Variants in GPR19 observed in about 807,000 individuals in gnomAD.
GPR19 encodes probable G protein-coupled receptor 19.
In GPR19, 14 loss-of-function variants were observed where a neutral mutation model predicts 28.5. The ratio of observed to expected loss-of-function variants is 0.49; its 90% CI spans 0.32 to 0.77. The LOEUF (loss-of-function observed/expected upper bound fraction) is 0.77. Ranked by LOEUF, GPR19 falls within the 30% of genes least tolerant of loss-of-function variation. The pLI, the probability that GPR19 is intolerant of heterozygous loss-of-function variation, is 0.03. For synonymous variants in GPR19, 173 were observed against 184.1 expected (o/e 0.94, Z 0.49); for missense variants, 409 against 504.1 (o/e 0.81, Z 1.81).
chr12:12,707,779 T>G, the GPR19 span, among the ~76,000 whole-genome samples: 1 of 144,238 alleles, frequency 6.9e-6, no homozygotes, highest in Non-Finnish European at 1.5e-5. Flanking sequence ...AGTGCAGTGG[T>G]GCCATCATAG....
chr12:12,694,581 T>C (rs935487359), intron 2 of GPR19, among the ~76,000 whole-genome samples: 1 of 152,130 alleles, frequency 6.6e-6, no homozygotes, highest in African/African-American at 2.4e-5. Flanking sequence ...ATTCAACTGA[T>C]AGGTGGCATG....
rs76530142 is a variant in GPR19, at chr12:12,678,216, G to A, written c.-23+6135C>T. On this transcript the variant is annotated intron_variant, in intron 3 of 3. Coordinates refer to ENST00000651487, the MANE Select transcript of GPR19 (RefSeq NM_006143.3). The stretch of plus-strand genomic sequence containing the variant: ...ATGTGCAATTCTAGGAGCTCGACCT[G>A]TAATTCCAACCCTTTAATCTCCATC... 5.5e-3 allele frequency among the ~76,000 whole-genome samples: 840 copies of A among 151,364 alleles called. 34 individuals carry two copies. In the East Asian group the frequency reaches 0.11, roughly 20 times the overall value.
intron 3 of GPR19, among the ~76,000 whole-genome samples, chr12:12,674,758 A>G (rs1418791710): frequency 6.6e-6 from 1 of 152,120 alleles, no homozygotes; most frequent in African/African-American, 2.4e-5. Flanking sequence ...ATCATACTAC[A>G]CTCCAGAATG....
intron 3 of GPR19, among the ~76,000 whole-genome samples, chr12:12,669,232 G>A (rs1365061696): frequency 3.3e-5 from 5 of 152,180 alleles, no homozygotes; most frequent in African/African-American, 9.7e-5. Flanking sequence ...TCAAAAGTGC[G>A]CCAGACATGC....
chr12:12,716,880 C>G, the GPR19 span: 10 of 984,614 alleles, frequency 1.0e-5, no homozygotes, highest in Middle Eastern at 1.0e-3. Context: ...CGCGGCCTCC[C>G]CCGCAGACCA....
chr12:12,708,134 A>C, the GPR19 span, among the ~76,000 whole-genome samples: 2 of 151,116 alleles, frequency 1.3e-5, no homozygotes, highest in Admixed American at 1.3e-4. Flanking sequence ...TGAGTAGCTG[A>C]GACTCCAAGC....
the GPR19 span, among the ~76,000 whole-genome samples, chr12:12,704,176 TACTTA>T: frequency 5.9e-5 from 9 of 152,326 alleles, no homozygotes; most frequent in South Asian, 1.0e-3. Context: ...AGGGTTGTAA[TACTTA>T]ACTTGACTGT....
At chr12:12,716,294 G>T in the GPR19 span, among the ~76,000 whole-genome samples, 1 of 152,230 alleles carries the variant, frequency 6.6e-6, no homozygotes, top group East Asian at 1.9e-4. Context: ...TCACCCTTCA[G>T]CCCTCTGAAA....
chr12:12,703,649 A>G, the GPR19 span, among the ~76,000 whole-genome samples: 1 of 151,704 alleles, frequency 6.6e-6, no homozygotes, highest in Admixed American at 6.6e-5. Context: ...TTAGCTAATA[A>G]CCATTTTCTT....
rs1945673133 is a variant in GPR19, at chr12:12,661,468, A to G, written c.981T>C (p.Pro327=). The G allele has an allele frequency of 6.2e-7, 1 of 1,613,744 alleles. No individual in the cohort carries two copies. The highest frequency in any genetic ancestry group is 1.1e-5 in the South Asian group (1 of 91,068). The change falls in exon 4 of 4, where the codon CCT becomes CCC. Residue 327 remains proline, a synonymous_variant. Coordinates refer to ENST00000651487, the MANE Select transcript of GPR19 (RefSeq NM_006143.3). This position sits in a 1 kb window ranked among gnomAD's most constrained non-coding sequence, Gnocchi z 4.2. ...TGGCATTATAAATTGAATACAGAGT[A>G]GGTTTAGAGGCTGAAGAACTAAAGG... ...WISFSSSASK[P]TLYSIYNANF...
At chr12:12,708,507 C>G in the GPR19 span, among the ~76,000 whole-genome samples, 20 of 152,070 alleles carry the variant, frequency 1.3e-4, no homozygotes, top group Non-Finnish European at 2.9e-4. Flanking sequence ...TAAATTAAAC[C>G]AATGAAGCCT....
chr12:12,680,861 G>A (rs1403196072), intron 3 of GPR19, among the ~76,000 whole-genome samples: 1 of 151,980 alleles, frequency 6.6e-6, no homozygotes, highest in Middle Eastern at 3.2e-3. Flanking sequence ...GCTAATTTTT[G>A]TATTTTTAGT....
At chr12:12,682,916 C>T (rs1946043348) in intron 3 of GPR19, among the ~76,000 whole-genome samples, 1 of 152,142 alleles carries the variant, frequency 6.6e-6, no homozygotes, top group Non-Finnish European at 1.5e-5. Context: ...CAAAAGATAC[C>T]TATTCCCTTA....
chr12:12,701,440 T>G, the GPR19 span, among the ~76,000 whole-genome samples: 2 of 152,218 alleles, frequency 1.3e-5, no homozygotes, highest in Non-Finnish European at 2.9e-5. Flanking sequence ...TATAAAGCTT[T>G]TATTGTGGGA....
At position 12,661,978 on chromosome 12, in the gene GPR19, G is replaced by C; in HGVS notation, c.471C>G (p.Leu157=). 1.9e-6 allele frequency: 3 copies of C among 1,612,912 alleles called. No individual in the cohort carries two copies. The South Asian group carries it at 3.3e-5, about 18-fold the overall frequency. Residue 157 remains leucine, a synonymous_variant, in exon 4 of 4, where the codon CTC becomes CTG. Transcript: ENST00000651487. The surrounding 1 kb of genome is among the most constrained non-coding windows in gnomAD (Gnocchi z 4.2). ...TGTAGAACCGGTCTATGCAGATGGAGAGGAGAACGTAGATCTGGACACCTG... is the reference window on the plus strand; with the variant it reads ...TGTAGAACCGGTCTATGCAGATGGACAGGAGAACGTAGATCTGGACACCTG... ...LTPGVQIYVL[L]SICIDRFYTI...
chr12:12,667,466 G>A lies in GPR19; in HGVS notation c.-22-4996C>T, dbSNP rs970927291. Reference sequence around the variant, plus strand: ...AGCACTTTGGGAGGCTGAGGCGGGCGGATCACCTGAGGTCAGGAGTTCAAG... The same window carrying A: ...AGCACTTTGGGAGGCTGAGGCGGGCAGATCACCTGAGGTCAGGAGTTCAAG... On this transcript the variant is annotated intron_variant, in intron 3 of 3. Coordinates refer to ENST00000651487, the MANE Select transcript of GPR19 (RefSeq NM_006143.3). 7.2e-5 allele frequency among the ~76,000 whole-genome samples: 11 copies of A among 152,162 alleles called. No individual in the cohort carries two copies. The East Asian group carries it at 1.4e-3, about 19-fold the overall frequency.
At chr12:12,700,752 T>TCTAAA (rs1415629647), upstream of GPR19, among the ~76,000 whole-genome samples, 1 of 152,224 alleles carries the variant, frequency 6.6e-6, no homozygotes, top group Non-Finnish European at 1.5e-5. Flanking sequence ...AACACTTAGA[T>TCTAAA]GTGATAGTCC....
intron 1 of GPR19, among the ~76,000 whole-genome samples, chr12:12,695,858 C>T (rs1024538916): frequency 6.6e-6 from 1 of 152,200 alleles, no homozygotes; most frequent in Non-Finnish European, 1.5e-5. Flanking sequence ...TTCTCCTTCC[C>T]ACTGTATTAC....
rs1845162574 is a variant in GPR19 at position 12,661,230 on chromosome 12, T to C, written c.1219A>G (p.Asn407Asp). ...AKEKKLAWPI[N>D]SNPPNTFV ...ACAAAAGTATTTGGTGGATTTGAGTTAATGGGCCAAGCAAGCTTTTTTTCC... is the reference window on the plus strand; with the variant it reads ...ACAAAAGTATTTGGTGGATTTGAGTCAATGGGCCAAGCAAGCTTTTTTTCC... The change falls in exon 4 of 4, where the codon AAC (asparagine) becomes GAC (aspartate). Residue 407 changes from asparagine to aspartate, a missense_variant. Transcript: ENST00000651487. The surrounding 1 kb of genome is among the most constrained non-coding windows in gnomAD (Gnocchi z 4.2). 6.2e-7 allele frequency: 1 copy of C among 1,609,896 alleles called. No individual in the cohort carries two copies. Among genetic ancestry groups the C allele is most frequent in the African/African-American group, 1.3e-5 (1 of 74,566 alleles).
Sources: allele counts gnomAD v4.1 joint callset (sites outside exome capture counted in the v4.1 genomes callset), GRCh38; gene constraint gnomAD v4.1.1; non-coding constraint Gnocchi (gnomAD v3.1); transcripts MANE v1.5; gene names NCBI Gene and HGNC (gene_info 2026-07-23, HGNC 2026-07-21).